The following BRD7 variants were observed in gnomAD, a reference collection of about 807,000 sequenced individuals.
BRD7 encodes bromodomain containing 7.
BRD7 carries 15 observed loss-of-function variants against 82.1 expected under a neutral mutation model. That is an observed-to-expected ratio of 0.18 (90% CI 0.12 to 0.28). BRD7 has a LOEUF of 0.28. Ranked by LOEUF, BRD7 falls within the 10% of genes least tolerant of loss-of-function variation. The probability of loss-of-function intolerance (pLI) is 1.00; values close to 1 mark genes in which losing one functional copy is unlikely to be tolerated. For missense variants in BRD7, 638 were observed against 779.9 expected, an observed-to-expected ratio of 0.82 and a Z score of 2.17; for synonymous variants, 232 against 266.9, an observed-to-expected ratio of 0.87 and a Z score of 1.27.
chr16:50,324,515 A>T (rs1401171832), intron 11 of BRD7, among the ~76,000 whole-genome samples: 1 of 152,198 alleles, frequency 6.6e-6, no homozygotes, highest in East Asian at 1.9e-4. Flanking sequence ...CTCCCTGGCC[A>T]TGTGCCTGCA....
intron 2 of BRD7, among the ~76,000 whole-genome samples, chr16:50,357,702 C>A (rs2038788612): frequency 6.6e-6 from 1 of 152,142 alleles, no homozygotes; most frequent in Non-Finnish European, 1.5e-5. Context: ...CAAACTGGGC[C>A]AAGTGCAGTG....
intron 8 of BRD7, among the ~76,000 whole-genome samples, chr16:50,332,533 T>C (rs1209981245): frequency 6.6e-6 from 1 of 152,216 alleles, no homozygotes; most frequent in Admixed American, 6.5e-5. Flanking sequence ...GAATGCTCAC[T>C]GTTGGTGAGA....
intron 2 of BRD7, among the ~76,000 whole-genome samples, chr16:50,357,688 C>A (rs116961327): frequency 3.9e-5 from 6 of 152,112 alleles, no homozygotes; most frequent in African/African-American, 1.2e-4. Flanking sequence ...TTTTGGTCAA[C>A]GACCAAACTG....
chr16:50,347,942 T>C (rs1415233406), intron 5 of BRD7, among the ~76,000 whole-genome samples: 2 of 152,010 alleles, frequency 1.3e-5, no homozygotes, highest in Non-Finnish European at 2.9e-5. Flanking sequence ...AAAAAGAGCC[T>C]GCATTGCCAA....
rs115302634 is a variant in BRD7 at position 50,319,994 on chromosome 16, T to A, written c.1793A>T (p.Gln598Leu). The change falls in exon 16 of 17, where the codon CAG (glutamine) becomes CTG (leucine). Residue 598 changes from glutamine to leucine, a missense_variant. By Grantham distance (113) the Gln-to-Leu change is moderately radical. Around this residue, in one of 3 missense-constraint regions of BRD7, gnomAD observed 402 missense variants for 500.8 expected, o/e 0.80. Coordinates refer to ENST00000394688, the MANE Select transcript of BRD7 (RefSeq NM_013263.5). ...QVTNNLKELAQQVTPGDIVST... is the reference protein window; with the variant it reads ...QVTNNLKELALQVTPGDIVST... ...TACGATATCACCTGGAGTTACTTGC[T>A]GTGCAAGTTCTTTAAGATTATTGGT... is the stretch of plus-strand genomic sequence containing the variant. 4.1e-5 allele frequency: 66 copies of A among 1,612,004 alleles called. 1 individual carries two copies. The highest frequency in any genetic ancestry group is 1.7e-4 in the Middle Eastern group (1 of 5,926).
At chr16:50,337,742 G>A (rs1485164804) in intron 6 of BRD7, among the ~76,000 whole-genome samples, 1 of 152,102 alleles carries the variant, frequency 6.6e-6, no homozygotes, top group Admixed American at 6.5e-5. Context: ...ACTATTAGAA[G>A]AGTTAACTCA....
At position 50,354,487 on chromosome 16, in the gene BRD7, A is replaced by C. The variant is rs1384835734; in HGVS notation, c.389-5T>G. ...GAAGGGGTGTCTGTTCTACTTCTAAAGCAAAGAAGAAGGGAAAAGGGTATT... is the reference window on the plus strand; with the variant it reads ...GAAGGGGTGTCTGTTCTACTTCTAACGCAAAGAAGAAGGGAAAAGGGTATT... On this transcript the variant is annotated splice_polypyrimidine_tract_variant and splice_region_variant and intron_variant, in intron 3 of 16. Coordinates refer to ENST00000394688, the MANE Select transcript of BRD7 (RefSeq NM_013263.5). 1 of 1,609,178 alleles carries C rather than the reference A, an allele frequency of 6.2e-7. No individual in the cohort carries two copies. The highest frequency in any genetic ancestry group is 2.2e-5 in the East Asian group (1 of 44,772).
At chr16:50,342,873 C>T (rs183409734) in intron 5 of BRD7, among the ~76,000 whole-genome samples, 2,414 of 152,164 alleles carry the variant, frequency 0.016, 56 homozygotes, top group African/African-American at 0.054. Flanking sequence ...AAGTTTGTGG[C>T]GGTTGAATAC....
At position 50,320,237 on chromosome 16, in the gene BRD7, G is replaced by A; in HGVS notation, c.1756+11C>T. On this transcript the variant is annotated intron_variant, in intron 15 of 16. Coordinates refer to ENST00000394688, the MANE Select transcript of BRD7 (RefSeq NM_013263.5). ...TCCCGTGACTCTCCTCTTATGGGAG[G>A]CAAAACATACCAAGATGCATTTCTC... 6.2e-7 allele frequency: 1 copy of A among 1,608,506 alleles called. No homozygotes were observed. Among genetic ancestry groups the A allele is most frequent in the South Asian group, 1.1e-5 (1 of 90,486 alleles).
At chr16:50,336,615 T>A (rs1269762886) in intron 6 of BRD7, among the ~76,000 whole-genome samples, 1 of 152,180 alleles carries the variant, frequency 6.6e-6, no homozygotes, top group Non-Finnish European at 1.5e-5. Context: ...AGCAATCTTA[T>A]TTGATTTTTA....
At position 50,343,660 on chromosome 16, in the gene BRD7, C is replaced by T. The variant is rs144374680; in HGVS notation, c.592-3574G>A. Among the ~76,000 whole-genome samples, 409 of 152,320 alleles carry T rather than the reference C, an allele frequency of 2.7e-3. 1 individual carries two copies. The highest frequency in any genetic ancestry group is 7.2e-3 in the Admixed American group (110 of 15,296). ...AAATGGCACACCAGATTATATCCCG[C>T]GCATGGCTCAGAGGGTCCCATGCCC... On this transcript the variant is annotated intron_variant, in intron 5 of 16. Coordinates refer to ENST00000394688, the MANE Select transcript of BRD7 (RefSeq NM_013263.5).
chr16:50,365,171 A>AG (rs35933605), intron 2 of BRD7, among the ~76,000 whole-genome samples: 38,882 of 152,084 alleles, frequency 0.26, 6,009 homozygotes, highest in African/African-American at 0.42. Flanking sequence ...ACGAGCCAAA[A>AG]TAAGGAGAAA....
chr16:50,357,014 T>G (rs1270762943), intron 2 of BRD7, among the ~76,000 whole-genome samples: 1 of 152,254 alleles, frequency 6.6e-6, no homozygotes, highest in Non-Finnish European at 1.5e-5. Context: ...GTCACCAGAC[T>G]GGCAGCATCA....
intron 4 of BRD7, among the ~76,000 whole-genome samples, chr16:50,350,792 C>A (rs2038486691): frequency 6.6e-6 from 1 of 152,172 alleles, no homozygotes; most frequent in African/African-American, 2.4e-5. Context: ...CACAGATTCA[C>A]AACACTGGCT....
chr16:50,319,314 A>G (rs763976469), intron 16 of BRD7, 48 bp from the exon 17 acceptor site: 82 of 1,575,454 alleles, frequency 5.2e-5, no homozygotes, highest in Non-Finnish European at 6.7e-5. Context: ...TTACCTTTTA[A>G]TTAAAAAGGG....
chr16:50,349,452 T>A (rs1270908010), intron 5 of BRD7: 2 of 422,486 alleles, frequency 4.7e-6, no homozygotes, highest in Non-Finnish European at 9.5e-6. Context: ...TGTGTAGCAC[T>A]TCCCCCTTCA....
chr16:50,368,753 G>C lies in BRD7; in HGVS notation c.22C>G (p.His8Asp). The C allele has an allele frequency of 6.4e-7, 1 of 1,551,444 alleles. No individual in the cohort carries two copies. The highest frequency in any genetic ancestry group is 8.7e-7 in the Non-Finnish European group (1 of 1,150,410). Residue 8 changes from histidine to aspartate, a missense_variant, in exon 1 of 17, where the codon CAC (histidine) becomes GAC (aspartate). This residue lies in a region of BRD7 where 172 missense variants were observed against 155.3 expected (regional missense o/e 1.11). Transcript: ENST00000394688. ...TCGTAGAGGTGTTTGTCCGACTTGT[G>C]CTTCTTGTGCTTCTTGCCCATGTCC... MGKKHKKHKSDKHLYEEY... is the reference protein window; with the variant it reads MGKKHKKDKSDKHLYEEY...
At chr16:50,326,094 C>G (rs565330640) in intron 10 of BRD7, among the ~76,000 whole-genome samples, 190 bp downstream of exon 10, 2 of 152,132 alleles carry the variant, frequency 1.3e-5, no homozygotes, top group Non-Finnish European at 2.9e-5. Context: ...CAAGAAAGAA[C>G]AAAATTCATT....
chr16:50,368,681 A>G, intron 1 of BRD7, 45 bp downstream of exon 1: 1 of 1,497,594 alleles, frequency 6.7e-7, no homozygotes. Flanking sequence ...GAAGCCCGGC[A>G]GAGCCGCCGA....
Sources: gnomAD v4.1 joint callset for allele counts (sites outside exome capture counted in the v4.1 genomes callset) on GRCh38, gnomAD v4.1.1 for gene constraint, gnomAD v4.1.1 regional missense constraint, MANE v1.5 for transcripts, NCBI Gene and HGNC (gene_info 2026-07-23, HGNC 2026-07-21) for gene names.